The following COMMD10 variants were observed in gnomAD, a reference collection of about 807,000 sequenced individuals.
The protein encoded by COMMD10 is COMM domain containing 10, also known as COMM domain-containing protein 10.
Under a neutral mutation model 28.9 loss-of-function variants are expected in COMMD10, and 33 were observed. The ratio of observed to expected loss-of-function variants is 1.14; its 90% CI spans 0.87 to 1.53. The LOEUF is 1.53. Ranked by LOEUF, COMMD10 falls within the 40% of genes most tolerant of loss-of-function variation. The probability of loss-of-function intolerance (pLI) is 0.00; values close to 1 mark genes in which losing one functional copy is unlikely to be tolerated. For missense variants in COMMD10, 310 were observed against 233.4 expected (o/e 1.33, Z -2.14); for synonymous variants, 110 against 81.7 (o/e 1.35, Z -1.87).
chr5:116,158,148 CT>C lies in COMMD10; in HGVS notation c.510+23972del, dbSNP rs147220454. ...TCCCTCCCTCCCTTCCCCTCCCTCCCTTCCCCTCCCTCCCTCCTCTCCCTCC... is the reference window on the plus strand; with the variant it reads ...TCCCTCCCTCCCTTCCCCTCCCTCCCTCCCCTCCCTCCCTCCTCTCCCTCC... On this transcript the variant is annotated intron_variant, in intron 5 of 6. Coordinates refer to ENST00000274458, the MANE Select transcript of COMMD10 (RefSeq NM_016144.4). Among the ~76,000 whole-genome samples, 240 of 59,200 alleles carry C rather than the reference CT, an allele frequency of 4.1e-3. 26 individuals are homozygous for C. The highest frequency in any genetic ancestry group is 0.016 in the African/African-American group (195 of 11,828). 38.8% of individuals were successfully genotyped at this position (59,200 alleles called of 152,430 possible).
intron 5 of COMMD10, among the ~76,000 whole-genome samples, chr5:116,136,928 A>T (rs796195416): frequency 6.6e-6 from 1 of 152,112 alleles, no homozygotes; most frequent in Non-Finnish European, 1.5e-5. Context: ...TTTCTCTTCT[A>T]TGGCATTGTA....
chr5:116,151,297 C>T lies in COMMD10; in HGVS notation c.510+17119C>T, dbSNP rs191562673. Among the ~76,000 whole-genome samples, 857 of 151,942 alleles carry T rather than the reference C, an allele frequency of 5.6e-3. 7 individuals are homozygous for T. The highest frequency in any genetic ancestry group is 0.02 in the African/African-American group (818 of 41,400). Reference sequence around the variant, plus strand: ...TGAGGATTTTTGCATCAATGTTCATCAAGCATATTGGTCTAAAATTCTCTT... The same window carrying T: ...TGAGGATTTTTGCATCAATGTTCATTAAGCATATTGGTCTAAAATTCTCTT... On this transcript the variant is annotated intron_variant, in intron 5 of 6. Transcript: ENST00000274458.
chr5:116,171,918 A>G (rs1420174963), intron 5 of COMMD10, among the ~76,000 whole-genome samples: 2 of 152,166 alleles, frequency 1.3e-5, no homozygotes, highest in African/African-American at 2.4e-5. Context: ...TGGCACGTGT[A>G]TACCTATGTA....
intron 4 of COMMD10, among the ~76,000 whole-genome samples, chr5:116,113,962 C>T (rs1751145754): frequency 6.6e-6 from 1 of 150,758 alleles, no homozygotes; most frequent in South Asian, 2.1e-4. Flanking sequence ...TTATATGTGA[C>T]TTCGATGTTG....
intron 5 of COMMD10, among the ~76,000 whole-genome samples, chr5:116,203,342 C>G (rs947298573): frequency 1.3e-5 from 2 of 151,968 alleles, no homozygotes; most frequent in Admixed American, 1.3e-4. Context: ...GAGAACTTCC[C>G]CAATCTAGCA....
intron 4 of COMMD10, among the ~76,000 whole-genome samples, chr5:116,100,120 G>A (rs996103786): frequency 1.3e-4 from 20 of 152,112 alleles, no homozygotes; most frequent in African/African-American, 4.6e-4. Context: ...TATGAGATCA[G>A]GTGGGAAATT....
At chr5:116,179,037 A>T (rs747337033) in intron 5 of COMMD10, among the ~76,000 whole-genome samples, 4 of 152,118 alleles carry the variant, frequency 2.6e-5, no homozygotes, top group Non-Finnish European at 5.9e-5. Flanking sequence ...TTCTGTCCCC[A>T]TGTTTACCTA....
In COMMD10 at chr5:116,092,656, G is replaced by A; in HGVS notation, c.355G>A (p.Glu119Lys). ...CAATACGTGGTCTTCTATGGGTCAA[G>A]AAACAGTTGAAAAGTTCCGGCAGAG... ...FVNTWSSMGQ[E>K]TVEKFRQRIL... The change falls in exon 4 of 7, where the codon GAA becomes AAA. Residue 119 changes from glutamate (E) to lysine (K), a missense_variant. Physicochemically the swap from Glu to Lys is moderately conservative, Grantham distance 56. Transcript: ENST00000274458. 1 of 1,610,172 alleles carries A rather than the reference G, an allele frequency of 6.2e-7. No homozygotes were observed. The highest frequency in any genetic ancestry group is 8.5e-7 in the Non-Finnish European group (1 of 1,178,138).
intron 5 of COMMD10, among the ~76,000 whole-genome samples, chr5:116,143,832 G>A (rs1752264165): frequency 6.6e-6 from 1 of 151,826 alleles, no homozygotes; most frequent in Non-Finnish European, 1.5e-5. Flanking sequence ...TACTAGGCAA[G>A]GTATTCGTGA....
At chr5:116,145,150 T>C (rs1319513144) in intron 5 of COMMD10, among the ~76,000 whole-genome samples, 2 of 151,764 alleles carry the variant, frequency 1.3e-5, no homozygotes, top group African/African-American at 2.4e-5. Context: ...AATGGGGCGG[T>C]TCTAGTAGGT....
chr5:116,240,601 A>C (rs1749786013), intron 5 of COMMD10, among the ~76,000 whole-genome samples: 1 of 152,180 alleles, frequency 6.6e-6, no homozygotes, highest in Non-Finnish European at 1.5e-5. Flanking sequence ...TGAGAACTTC[A>C]TAGAGAACCT....
intron 5 of COMMD10, among the ~76,000 whole-genome samples, chr5:116,145,458 G>A (rs1752318449): frequency 6.6e-6 from 1 of 151,816 alleles, no homozygotes; most frequent in East Asian, 1.9e-4. Flanking sequence ...GTCTATGAAA[G>A]AGTAAATTTT....
intron 5 of COMMD10, among the ~76,000 whole-genome samples, chr5:116,143,792 A>G (rs988278101): frequency 2.0e-5 from 3 of 151,888 alleles, no homozygotes; most frequent in African/African-American, 4.8e-5. Flanking sequence ...AGTTCCAGAA[A>G]TAGTTTTTAA....
At chr5:116,096,712 G>A (rs1173833816) in intron 4 of COMMD10, among the ~76,000 whole-genome samples, 6 of 152,010 alleles carry the variant, frequency 3.9e-5, no homozygotes, top group Admixed American at 3.3e-4. Context: ...TAGGATGTTA[G>A]AAAATGCCCC....
intron 5 of COMMD10, chr5:116,218,043 C>T (rs1749151025): frequency 2.7e-6 from 3 of 1,129,914 alleles, no homozygotes; most frequent in Admixed American, 1.7e-5. Context: ...CCTCCAGCAC[C>T]TTCAGCTTTC....
At chr5:116,089,612 TA>T (rs1750231421) in intron 2 of COMMD10, among the ~76,000 whole-genome samples, 1 of 152,196 alleles carries the variant, frequency 6.6e-6, no homozygotes, top group Non-Finnish European at 1.5e-5. Context: ...GAATAGTTAG[TA>T]TCTATCTTAG....
intron 5 of COMMD10, among the ~76,000 whole-genome samples, chr5:116,237,637 C>A (rs978739264): frequency 6.6e-6 from 1 of 152,056 alleles, no homozygotes; most frequent in Non-Finnish European, 1.5e-5. Context: ...TATTGAGACC[C>A]TGCTTCTAGA....
chr5:116,144,869 A>G lies in COMMD10; in HGVS notation c.510+10691A>G, dbSNP rs138121657. ...GAATGTGGATTCAGTAAATGGAGAT[A>G]CTAGAGGAGGTTTGTATGCAGATGC... On this transcript the variant is annotated intron_variant, in intron 5 of 6. Transcript: ENST00000274458. Among the ~76,000 whole-genome samples the G allele has an allele frequency of 4.5e-4, 69 of 151,970 alleles. 1 individual carries two copies. The East Asian group carries it at 0.013, about 29-fold the overall frequency.
At chr5:116,265,257 T>C (rs1380007152) in intron 5 of COMMD10, among the ~76,000 whole-genome samples, 3 of 151,756 alleles carry the variant, frequency 2.0e-5, no homozygotes, top group Non-Finnish European at 2.9e-5. Flanking sequence ...GACTTTTTTT[T>C]CACTATCCCC....
Sources: gnomAD v4.1 joint callset for allele counts (sites outside exome capture counted in the v4.1 genomes callset) on GRCh38, gnomAD v4.1.1 for gene constraint, MANE v1.5 for transcripts, NCBI Gene and HGNC (gene_info 2026-07-23, HGNC 2026-07-21) for gene names.